Variants in IGSF3 observed in about 807,000 individuals in gnomAD.
IGSF3 encodes glu-Trp-Ile EWI motif-containing protein 3.
IGSF3 carries 23 observed loss-of-function variants against 114.4 expected under a neutral mutation model. The ratio of observed to expected loss-of-function variants is 0.20; its 90% CI spans 0.14 to 0.28. The LOEUF (loss-of-function observed/expected upper bound fraction) is 0.28. Ranked by LOEUF, IGSF3 falls within the 10% of genes least tolerant of loss-of-function variation. The probability of loss-of-function intolerance (pLI) is 1.00; values close to 1 mark genes in which losing one functional copy is unlikely to be tolerated. For missense variants in IGSF3, 1,172 were observed against 1,591.5 expected, an observed-to-expected ratio of 0.74 and a Z score of 4.48; for synonymous variants, 571 against 645.2, an observed-to-expected ratio of 0.88 and a Z score of 1.74.
At position 116,628,942 on chromosome 1, in the gene IGSF3, A is replaced by G. The variant is rs147791901; in HGVS notation, c.44-12485T>C. 4.9e-4 allele frequency among the ~76,000 whole-genome samples: 75 copies of G among 152,336 alleles called. No individual in the cohort carries two copies. Among genetic ancestry groups the G allele is most frequent in the Middle Eastern group, 6.8e-3 (2 of 294 alleles). ...AGCATCACAGATGCAAAAATAACAG[A>G]ACTGTGGAAGTAGAGACTAATTCTG... On this transcript the variant is annotated intron_variant, in intron 2 of 10. Coordinates refer to ENST00000369486, the MANE Select transcript of IGSF3 (RefSeq NM_001007237.3). This position sits in a 1 kb window ranked among gnomAD's most constrained non-coding sequence, Gnocchi z 4.2.
In IGSF3 at chr1:116,576,604, C is replaced by T. The variant is rs77837043; in HGVS notation, c.*708G>A. On this transcript the variant is annotated 3_prime_UTR_variant, in exon 11 of 11. Transcript: ENST00000369486. This position sits in a 1 kb window ranked among gnomAD's most constrained non-coding sequence, Gnocchi z 4.6. ...TTTTTTGCCTCCCTGACAGATAGGC[C>T]GGGCACCATCTACTCCTAATGGGGT... The T allele has an allele frequency of 4.3e-3, 656 of 152,740 alleles. 3 individuals are homozygous for T. The highest frequency in any genetic ancestry group is 5.3e-3 in the Non-Finnish European group (361 of 68,044). The allele number at this position is 152,740 out of a possible 1,614,324, so 9.5% of individuals were successfully genotyped here. A position where few individuals can be genotyped will look rare whatever the true frequency, so the allele number is the denominator to read the frequency against.
chr1:116,644,778 G>T lies in IGSF3; in HGVS notation c.43+21506C>A, dbSNP rs1648286146. ...GGCTCCAAATGGTCAGACTTCCCAA[G>T]AAATTCCTGTGAAAAGGACAGGCTC... is the stretch of plus-strand genomic sequence containing the variant. On this transcript the variant is annotated intron_variant, in intron 2 of 10. Transcript: ENST00000369486. This position sits in a 1 kb window ranked among gnomAD's most constrained non-coding sequence, Gnocchi z 5.6. 6.6e-6 allele frequency among the ~76,000 whole-genome samples: 1 copy of T among 152,206 alleles called. No homozygotes were observed. The highest frequency in any genetic ancestry group is 1.5e-5 in the Non-Finnish European group (1 of 68,036).
chr1:116,583,358 TA>T lies in IGSF3; in HGVS notation c.2848+1286del, dbSNP rs547408702. ...CAAGGTAAAAAGCAAAAAATATAAA[TA>T]AGTAAAAGCTCACGGAAAAATAGGA... On this transcript the variant is annotated intron_variant, in intron 9 of 10. Coordinates refer to ENST00000369486, the MANE Select transcript of IGSF3 (RefSeq NM_001007237.3). This position sits in a 1 kb window ranked among gnomAD's most constrained non-coding sequence, Gnocchi z 4.5. Among the ~76,000 whole-genome samples the T allele has an allele frequency of 1.8e-3, 273 of 152,096 alleles. 1 individual carries two copies. The highest frequency in any genetic ancestry group is 6.4e-3 in the African/African-American group (265 of 41,468).
In IGSF3 at chr1:116,636,621, C is replaced by G. The variant is rs1316043021; in HGVS notation, c.44-20164G>C. On this transcript the variant is annotated intron_variant, in intron 2 of 10. Coordinates refer to ENST00000369486, the MANE Select transcript of IGSF3 (RefSeq NM_001007237.3). This position sits in a 1 kb window ranked among gnomAD's most constrained non-coding sequence, Gnocchi z 4.5. ...AGAAGCTGTGATCTGTCTAGCCCTT[C>G]TACACCAGGAGCGAGGCCTGAAAAG... Among the ~76,000 whole-genome samples the G allele has an allele frequency of 6.6e-5, 10 of 152,278 alleles. No homozygotes were observed. The highest frequency in any genetic ancestry group is 5.9e-4 in the Admixed American group (9 of 15,288).
At chr1:116,666,157 C>T in intron 2 of IGSF3, 127 bp downstream of exon 2, 1 of 869,954 alleles carries the variant, frequency 1.1e-6, no homozygotes, top group Non-Finnish European at 2.0e-6. Context: ...CAACCTGTGA[C>T]ACACACCGAC....
chr1:116,652,836 A>G (rs987852601), intron 2 of IGSF3, among the ~76,000 whole-genome samples: 1 of 152,148 alleles, frequency 6.6e-6, no homozygotes, highest in African/African-American at 2.4e-5. Flanking sequence ...CCTGGACACA[A>G]ACTGCATAAA....
chr1:116,609,575 G>A (rs1343026078), intron 4 of IGSF3, among the ~76,000 whole-genome samples: 1 of 152,088 alleles, frequency 6.6e-6, no homozygotes, highest in Non-Finnish European at 1.5e-5. Flanking sequence ...GGAGTTAAGG[G>A]TTAGAGACTG....
rs1437820371 is a variant in IGSF3 at position 116,576,632 on chromosome 1, T to C, written c.*680A>G. Reference sequence around the variant, plus strand: ...GCACCATCTACTCCTAATGGGGTTATGCAGGATTTCTCTTGTACATACACA... The same window carrying C: ...GCACCATCTACTCCTAATGGGGTTACGCAGGATTTCTCTTGTACATACACA... On this transcript the variant is annotated 3_prime_UTR_variant, in exon 11 of 11. Coordinates refer to ENST00000369486, the MANE Select transcript of IGSF3 (RefSeq NM_001007237.3). This position sits in a 1 kb window ranked among gnomAD's most constrained non-coding sequence, Gnocchi z 4.6. 6.5e-6 allele frequency: 1 copy of C among 152,708 alleles called. No homozygotes were observed. The highest frequency in any genetic ancestry group is 1.5e-5 in the Non-Finnish European group (1 of 68,076). 9.5% of individuals were successfully genotyped at this position (152,708 alleles called of 1,614,324 possible). A position where few individuals can be genotyped will look rare whatever the true frequency, so the allele number is the denominator to read the frequency against.
rs75842032 is a variant in IGSF3, at chr1:116,612,763, G to A, written c.832+1002C>T. 6.6e-6 allele frequency among the ~76,000 whole-genome samples: 1 copy of A among 152,184 alleles called. No individual in the cohort carries two copies. The highest frequency in any genetic ancestry group is 1.5e-5 in the Non-Finnish European group (1 of 68,040). ...AGGAAAGGCTTTCAGGCCACTCATC[G>A]CCAACTTAGTGATGGCACAACAACC... On this transcript the variant is annotated intron_variant, in intron 4 of 10. Transcript: ENST00000369486. The surrounding 1 kb of genome is among the most constrained non-coding windows in gnomAD (Gnocchi z 4.1).
Position 116,614,426 on chromosome 1 carries a change from G to A in IGSF3, c.422-251C>T, listed in dbSNP as rs190885636. On this transcript the variant is annotated intron_variant, in intron 3 of 10. Coordinates refer to ENST00000369486, the MANE Select transcript of IGSF3 (RefSeq NM_001007237.3). The surrounding 1 kb of genome is among the most constrained non-coding windows in gnomAD (Gnocchi z 4.5). ...TTTTAATAACACTTGGATAAAACAT[G>A]GGGTGTATTTCATATTACATAATAA... 2.2e-4 allele frequency among the ~76,000 whole-genome samples: 34 copies of A among 152,234 alleles called. No homozygotes were observed. In the East Asian group the frequency reaches 5.6e-3, roughly 25 times the overall value.
In IGSF3 at chr1:116,645,215, A is replaced by T. The variant is rs148405690; in HGVS notation, c.43+21069T>A. Among the ~76,000 whole-genome samples, 360 of 152,388 alleles carry T rather than the reference A, an allele frequency of 2.4e-3. 2 individuals carry two copies. Among genetic ancestry groups the T allele is most frequent in the African/African-American group, 8.3e-3 (347 of 41,600 alleles). On this transcript the variant is annotated intron_variant, in intron 2 of 10. Coordinates refer to ENST00000369486, the MANE Select transcript of IGSF3 (RefSeq NM_001007237.3). ...TAGATATACACAAGAACATGGAGGG[A>T]TCTCAAAAGCACTGTGCTGAGTGAG...
intron 8 of IGSF3, among the ~76,000 whole-genome samples, chr1:116,587,504 G>A (rs545534663): frequency 6.6e-6 from 1 of 152,186 alleles, no homozygotes; most frequent in East Asian, 1.9e-4. Flanking sequence ...AGGCCTTAGG[G>A]TGATCAAGGA....
In IGSF3 at chr1:116,624,203, CA is replaced by C. The variant is rs58584252; in HGVS notation, c.44-7747del. Among the ~76,000 whole-genome samples the C allele has an allele frequency of 0.026, 3,032 of 118,658 alleles. 68 individuals are homozygous for C. Among genetic ancestry groups the C allele is most frequent in the African/African-American group, 0.074 (2,436 of 32,814 alleles). The allele number at this position is 118,658 out of a possible 152,430, so 77.8% of individuals were successfully genotyped here. ...TGGGTGACAGAGCGAGATCTTGTCT[CA>C]AAAAAAAAAAAAAAATGGCTCTTGA... On this transcript the variant is annotated intron_variant, in intron 2 of 10. Coordinates refer to ENST00000369486, the MANE Select transcript of IGSF3 (RefSeq NM_001007237.3). This position sits in a 1 kb window ranked among gnomAD's most constrained non-coding sequence, Gnocchi z 4.9.
Position 116,574,816 on chromosome 1 carries a change from CATCT to C in IGSF3, c.*2492_*2495del, listed in dbSNP as rs1431345390. ...GCCACTGGAGGGCACCATTACCATC[CATCT>C]GACATCGCATTTCCATAGAAATGGC... On this transcript the variant is annotated 3_prime_UTR_variant, in exon 11 of 11. Coordinates refer to ENST00000369486, the MANE Select transcript of IGSF3 (RefSeq NM_001007237.3). The surrounding 1 kb of genome is among the most constrained non-coding windows in gnomAD (Gnocchi z 5.2). 1 of 152,644 alleles carries C rather than the reference CATCT, an allele frequency of 6.6e-6. No homozygotes were observed. The highest frequency in any genetic ancestry group is 2.4e-5 in the African/African-American group (1 of 41,440). The allele number at this position is 152,644 out of a possible 1,614,324, so 9.5% of individuals were successfully genotyped here. A position where few individuals can be genotyped will look rare whatever the true frequency, so the allele number is the denominator to read the frequency against.
In IGSF3 at chr1:116,616,240, G is replaced by A. The variant is rs146733768; in HGVS notation, c.261C>T (p.Arg87=). Residue 87 remains arginine (R), a synonymous_variant, in exon 3 of 11, where the codon CGC becomes CGT. Transcript: ENST00000369486. This position sits in a 1 kb window ranked among gnomAD's most constrained non-coding sequence, Gnocchi z 6.6. The stretch of plus-strand genomic sequence containing the variant: ...CTATGAAGATCTTCCCTCCGCGGAC[G>A]CGCTGGGTGTAGATGGCATAGGGGA... The part of the protein sequence containing the change: ...SSFPYAIYTQ[R]VRGGKIFIER... 193 of 1,613,180 alleles carry A rather than the reference G, an allele frequency of 1.2e-4. No individual in the cohort carries two copies. The highest frequency in any genetic ancestry group is 8.9e-4 in the South Asian group (81 of 91,036).
In IGSF3 at chr1:116,636,766, C is replaced by T. The variant is rs1372236726; in HGVS notation, c.44-20309G>A. Among the ~76,000 whole-genome samples, 1 of 152,126 alleles carries T rather than the reference C, an allele frequency of 6.6e-6. No homozygotes were observed. Among genetic ancestry groups the T allele is most frequent in the African/African-American group, 2.4e-5 (1 of 41,424 alleles). Reference sequence around the variant, plus strand: ...CCAGCTTTCTCACCACCCACCCCACCCCTTCCACACTCCAAAGACAGCATC... The same window carrying T: ...CCAGCTTTCTCACCACCCACCCCACTCCTTCCACACTCCAAAGACAGCATC... On this transcript the variant is annotated intron_variant, in intron 2 of 10. Coordinates refer to ENST00000369486, the MANE Select transcript of IGSF3 (RefSeq NM_001007237.3). The surrounding 1 kb of genome is among the most constrained non-coding windows in gnomAD (Gnocchi z 4.5).
intron 2 of IGSF3, among the ~76,000 whole-genome samples, chr1:116,643,969 C>T (rs1405690615): frequency 4.6e-5 from 7 of 152,304 alleles, no homozygotes; most frequent in Non-Finnish European, 7.4e-5. Flanking sequence ...TCCCCAAACA[C>T]GTGCACCAAT....
At chr1:116,597,764 T>C (rs578195110) in intron 7 of IGSF3, among the ~76,000 whole-genome samples, 1 of 152,292 alleles carries the variant, frequency 6.6e-6, no homozygotes, top group East Asian at 1.9e-4. Flanking sequence ...AGGAAAACAT[T>C]TGCTCTATGG....
rs1648498731 is a variant in IGSF3 at position 116,648,531 on chromosome 1, C to T, written c.43+17753G>A. 6.6e-6 allele frequency among the ~76,000 whole-genome samples: 1 copy of T among 152,200 alleles called. No homozygotes were observed. Among genetic ancestry groups the T allele is most frequent in the African/African-American group, 2.4e-5 (1 of 41,436 alleles). ...GATGCCAAAGCCAAAGGCCTCCCAGCACTCACAAGGCCCTTTGCCCTTAGG... is the reference window on the plus strand; with the variant it reads ...GATGCCAAAGCCAAAGGCCTCCCAGTACTCACAAGGCCCTTTGCCCTTAGG... On this transcript the variant is annotated intron_variant, in intron 2 of 10. Coordinates refer to ENST00000369486, the MANE Select transcript of IGSF3 (RefSeq NM_001007237.3). This position sits in a 1 kb window ranked among gnomAD's most constrained non-coding sequence, Gnocchi z 4.7.
Sources: gnomAD v4.1 joint callset for allele counts (sites outside exome capture counted in the v4.1 genomes callset) on GRCh38, gnomAD v4.1.1 for gene constraint, Gnocchi (gnomAD v3.1) non-coding constraint, MANE v1.5 for transcripts, NCBI Gene and HGNC (gene_info 2026-07-23, HGNC 2026-07-21) for gene names.